GABRA2: variants seen among roughly 807,000 people sequenced by gnomAD.
GABRA2 encodes the protein gamma-aminobutyric acid receptor subunit alpha-2.
In GABRA2, 16 loss-of-function variants were observed where a neutral mutation model predicts 48.7. The ratio of observed to expected loss-of-function variants is 0.33; its 90% CI spans 0.22 to 0.50. GABRA2 has a LOEUF of 0.50. GABRA2 is among the 20% of genes least tolerant of loss of function. GABRA2 has a pLI of 0.98. For missense variants in GABRA2, 275 were observed against 535.6 expected (o/e 0.51, Z 4.80); for synonymous variants, 185 against 184.5 (o/e 1.00, Z -0.02).
At chr4:46,314,712 A>C (rs1191575113) in intron 4 of GABRA2, among the ~76,000 whole-genome samples, 2 of 151,992 alleles carry the variant, frequency 1.3e-5, no homozygotes, top group Non-Finnish European at 2.9e-5. Context: ...TTTAGCTCCC[A>C]CTTCTTATAA....
In GABRA2 at chr4:46,294,670, C is replaced by A. The variant is rs554690853; in HGVS notation, c.856+8790G>T. 2.6e-5 allele frequency among the ~76,000 whole-genome samples: 4 copies of A among 152,286 alleles called. No homozygotes were observed. The South Asian group carries it at 8.3e-4, about 32-fold the overall frequency. ...GATGCTGTTTGGAGCCTCTGGCAGA[C>A]CCCCATAGGTGAACCCCAATGGACA... On this transcript the variant is annotated intron_variant, in intron 8 of 9. Transcript: ENST00000381620.
intron 3 of GABRA2, among the ~76,000 whole-genome samples, chr4:46,375,586 GC>G (rs1715575568): frequency 6.6e-6 from 1 of 152,150 alleles, no homozygotes; most frequent in Admixed American, 6.5e-5. Context: ...AGAAAAATGT[GC>G]TCTCTGAGCC....
intron 8 of GABRA2, among the ~76,000 whole-genome samples, chr4:46,271,585 T>G (rs1271422725): frequency 2.6e-5 from 4 of 151,958 alleles, no homozygotes; most frequent in Non-Finnish European, 5.9e-5. Context: ...GAGAGAGAAA[T>G]TAGAATTTGG....
At chr4:46,287,288 G>C (rs1577912277) in intron 8 of GABRA2, among the ~76,000 whole-genome samples, 1 of 151,488 alleles carries the variant, frequency 6.6e-6, no homozygotes, top group Non-Finnish European at 1.5e-5. Context: ...CTCCAGCTTT[G>C]TTCTTGTTTA....
intron 9 of GABRA2, among the ~76,000 whole-genome samples, chr4:46,253,919 T>G (rs1577760579): frequency 6.6e-6 from 1 of 151,554 alleles, no homozygotes; most frequent in Non-Finnish European, 1.5e-5. Flanking sequence ...AAATCTATAG[T>G]AAAGCAGACT....
intron 3 of GABRA2, chr4:46,366,097 C>T (rs1713993731): frequency 6.6e-6 from 1 of 152,034 alleles, no homozygotes; most frequent in African/African-American, 2.4e-5. Flanking sequence ...TTCTTATCTC[C>T]TTCTCATTAG....
intron 7 of GABRA2, among the ~76,000 whole-genome samples, chr4:46,304,847 C>T (rs1726375364): frequency 6.8e-6 from 1 of 147,292 alleles, no homozygotes; most frequent in Admixed American, 7.1e-5. Context: ...ATCACTTGAA[C>T]CCAGGAAGTG....
intron 4 of GABRA2, among the ~76,000 whole-genome samples, chr4:46,314,962 T>C (rs1728297608): frequency 6.6e-6 from 1 of 152,102 alleles, no homozygotes. Context: ...CATGCATGTG[T>C]CTTTTTGGTA....
chr4:46,322,767 T>C (rs902759294), intron 4 of GABRA2, among the ~76,000 whole-genome samples: 2 of 151,994 alleles, frequency 1.3e-5, no homozygotes, highest in Non-Finnish European at 2.9e-5. Context: ...TGAAGGATAC[T>C]GAGCCATAAT....
intron 8 of GABRA2, among the ~76,000 whole-genome samples, chr4:46,268,189 G>C (rs967527236): frequency 6.6e-6 from 1 of 151,840 alleles, no homozygotes; most frequent in Non-Finnish European, 1.5e-5. Flanking sequence ...CAAAAACAAA[G>C]ATAAATGAGT....
intron 3 of GABRA2, chr4:46,365,038 A>T (rs1305860509): frequency 6.6e-6 from 1 of 152,190 alleles, no homozygotes; most frequent in Non-Finnish European, 1.5e-5. Context: ...ATAAGTAATC[A>T]TGATTAGAAA....
intron 4 of GABRA2, among the ~76,000 whole-genome samples, chr4:46,327,862 G>T (rs1248549273): frequency 6.6e-6 from 1 of 152,034 alleles, no homozygotes; most frequent in East Asian, 1.9e-4. Flanking sequence ...TTACTTCAAA[G>T]TTTTCACTGT....
intron 7 of GABRA2, 66 bp downstream of exon 7, chr4:46,305,502 C>A (rs185953321): frequency 2.5e-4 from 366 of 1,450,104 alleles, no homozygotes; most frequent in Admixed American, 3.2e-4. Flanking sequence ...ATCTGACACA[C>A]TTCCAAGTCC....
At chr4:46,294,819 C>G (rs963597643) in intron 8 of GABRA2, among the ~76,000 whole-genome samples, 5 of 152,174 alleles carry the variant, frequency 3.3e-5, no homozygotes, top group African/African-American at 4.8e-5. Flanking sequence ...TATGGGTCAT[C>G]AATTCACCAT....
intron 3 of GABRA2, among the ~76,000 whole-genome samples, chr4:46,374,184 C>A (rs1444487006): frequency 1.3e-5 from 2 of 152,104 alleles, no homozygotes; most frequent in African/African-American, 4.8e-5. Context: ...AATTTGAACT[C>A]TCCAACCAAA....
chr4:46,246,144 A>G lies in GABRA2; in HGVS notation c.*4164T>C, dbSNP rs1713678576. 1.3e-5 allele frequency among the ~76,000 whole-genome samples: 2 copies of G among 151,136 alleles called. No individual in the cohort carries two copies. The highest frequency in any genetic ancestry group is 3.0e-5 in the Non-Finnish European group (2 of 67,462). On this transcript the variant is annotated 3_prime_UTR_variant, in exon 10 of 10. Transcript: ENST00000381620. ...ACTCTTAAAATATTTGTGTGTCTAC[A>G]TATGTATAATTTATCTACTTTCTCG... is the stretch of plus-strand genomic sequence containing the variant.
chr4:46,325,731 C>A (rs1730242311), intron 4 of GABRA2, among the ~76,000 whole-genome samples: 1 of 151,972 alleles, frequency 6.6e-6, no homozygotes, highest in African/African-American at 2.4e-5. Context: ...AGTCTTTAAT[C>A]CATCTTGAGT....
chr4:46,285,767 G>GT (rs574335219), intron 8 of GABRA2, among the ~76,000 whole-genome samples: 19 of 149,238 alleles, frequency 1.3e-4, no homozygotes, highest in East Asian at 5.9e-4. Flanking sequence ...ATGAAATCTT[G>GT]TTTTTTTTTA....
At chr4:46,356,398 C>CAT (rs972475202) in intron 3 of GABRA2, among the ~76,000 whole-genome samples, 7 of 143,354 alleles carry the variant, frequency 4.9e-5, no homozygotes, top group African/African-American at 1.8e-4. Context: ...AGGAAGAAAA[C>CAT]ATACTTGCAA....
Sources: gnomAD v4.1 joint callset for allele counts (sites outside exome capture counted in the v4.1 genomes callset) on GRCh38, gnomAD v4.1.1 for gene constraint, MANE v1.5 for transcripts, NCBI Gene and HGNC (gene_info 2026-07-23, HGNC 2026-07-21) for gene names.